The following GNG2 variants were observed in gnomAD, a reference collection of about 807,000 sequenced individuals.
GNG2 encodes the protein G protein subunit gamma 2.
GNG2 carries 5 observed loss-of-function variants against 5.5 expected under a neutral mutation model. That is an observed-to-expected ratio of 0.91 (90% CI 0.48 to 1.92). GNG2 has a LOEUF of 1.92. Among genes scored for constraint, GNG2 ranks in the 30% most tolerant of loss-of-function variants. The pLI is 0.01. For synonymous variants in GNG2, 28 were observed against 32.0 expected, an observed-to-expected ratio of 0.88 and a Z score of 0.42; for missense variants, 55 against 88.4, an observed-to-expected ratio of 0.62 and a Z score of 1.52.
Position 51,828,932 on chromosome 14 carries a change from A to G in GNG2, c.64+1125A>G, listed in dbSNP as rs564066936. 8.5e-5 allele frequency among the ~76,000 whole-genome samples: 13 copies of G among 152,164 alleles called. No homozygotes were observed. In the South Asian group the frequency reaches 2.7e-3, roughly 32 times the overall value. On this transcript the variant is annotated intron_variant, in intron 2 of 3. Coordinates refer to the GNG2 transcript ENST00000553432. ...GACGTGACAGGCCCTCTGTCTCAAG[A>G]TATTAGCTCTCTTCCACCATCACAC...
intron 3 of GNG2, among the ~76,000 whole-genome samples, chr14:51,960,283 T>G (rs1052528061): frequency 1.3e-5 from 2 of 152,200 alleles, no homozygotes; most frequent in Admixed American, 6.5e-5. Context: ...CTAATTTTAT[T>G]CATTGTATTT....
chr14:51,949,957 T>C (rs922775123), intron 2 of GNG2, among the ~76,000 whole-genome samples: 5 of 152,110 alleles, frequency 3.3e-5, no homozygotes, highest in Admixed American at 6.5e-5. Context: ...AGAACTCTAC[T>C]CTCAAACCCT....
At chr14:51,936,495 C>T (rs1888012456) in intron 2 of GNG2, among the ~76,000 whole-genome samples, 1 of 151,036 alleles carries the variant, frequency 6.6e-6, no homozygotes, top group African/African-American at 2.4e-5. Flanking sequence ...AGTTGTCAAC[C>T]TCTTCCATTG....
intron 2 of GNG2, among the ~76,000 whole-genome samples, chr14:51,914,777 G>T (rs1490202531): frequency 6.6e-6 from 1 of 152,004 alleles, no homozygotes; most frequent in African/African-American, 2.4e-5. Flanking sequence ...ATGTTTTTTT[G>T]TGTTTTCAAA....
At chr14:51,907,620 C>A (rs1886015104) in intron 2 of GNG2, among the ~76,000 whole-genome samples, 1 of 152,326 alleles carries the variant, frequency 6.6e-6, no homozygotes, top group South Asian at 2.1e-4. Context: ...TAATTTGAAC[C>A]ACTGCCTGTC....
At chr14:51,896,346 C>T (rs985245060) in intron 2 of GNG2, among the ~76,000 whole-genome samples, 6 of 152,106 alleles carry the variant, frequency 3.9e-5, no homozygotes, top group African/African-American at 1.4e-4. Flanking sequence ...GTGGTATTGT[C>T]CTCTTGTTTC....
intron 3 of GNG2, among the ~76,000 whole-genome samples, chr14:51,954,976 T>G (rs1053708710): frequency 6.6e-6 from 1 of 152,186 alleles, no homozygotes; most frequent in African/African-American, 2.4e-5. Flanking sequence ...GGAATTAACC[T>G]GCCCATGTAG....
intron 2 of GNG2, among the ~76,000 whole-genome samples, chr14:51,831,771 T>C (rs890019804): frequency 5.9e-5 from 9 of 152,194 alleles, no homozygotes; most frequent in African/African-American, 2.2e-4. Context: ...AGTGTTATTT[T>C]GAAAAATAAA....
At chr14:51,950,537 G>A in intron 2 of GNG2, 113 bp from the exon 3 acceptor site, 1 of 641,626 alleles carries the variant, frequency 1.6e-6, no homozygotes, top group Non-Finnish European at 2.7e-6. Context: ...GAGGGCTGGA[G>A]AAGCCAGGCC....
Position 51,916,998 on chromosome 14 carries a change from T to C in GNG2, c.-29-33652T>C, listed in dbSNP as rs1016112728. Reference sequence around the variant, plus strand: ...TCACCCATTGATGGAGATCTGATTTTATCTACACTGCCAGGCATGTTCAGG... The same window carrying C: ...TCACCCATTGATGGAGATCTGATTTCATCTACACTGCCAGGCATGTTCAGG... On this transcript the variant is annotated intron_variant, in intron 2 of 3. Coordinates refer to ENST00000556766, the MANE Select transcript of GNG2 (RefSeq NM_053064.5). Among the ~76,000 whole-genome samples the C allele has an allele frequency of 2.6e-5, 4 of 151,936 alleles. No homozygotes were observed. The East Asian group carries it at 5.8e-4, about 22-fold the overall frequency.
intron 2 of GNG2, among the ~76,000 whole-genome samples, chr14:51,832,113 G>A (rs1437341030): frequency 6.7e-6 from 1 of 149,052 alleles, no homozygotes; most frequent in Non-Finnish European, 1.5e-5. Context: ...GACCCTGTCT[G>A]TACAAAAAAT....
chr14:51,857,721 G>A (rs887571969), upstream of GNG2, among the ~76,000 whole-genome samples: 1 of 152,190 alleles, frequency 6.6e-6, no homozygotes, highest in South Asian at 2.1e-4. Flanking sequence ...AGGAAAGGAA[G>A]AGGAACTTTA....
At chr14:51,859,425 C>T (rs1415293822), upstream of GNG2, among the ~76,000 whole-genome samples, 1 of 152,164 alleles carries the variant, frequency 6.6e-6, no homozygotes, top group Admixed American at 6.5e-5. Context: ...AAACCAAGTA[C>T]TGGTGAGGGT....
At chr14:51,830,901 G>C (rs1171554760) in intron 2 of GNG2, among the ~76,000 whole-genome samples, 1 of 152,196 alleles carries the variant, frequency 6.6e-6, no homozygotes, top group Non-Finnish European at 1.5e-5. Flanking sequence ...CAGTTCAAAA[G>C]CTAAATAGTT....
chr14:51,957,933 C>G (rs1022724334), intron 3 of GNG2, among the ~76,000 whole-genome samples: 13 of 152,130 alleles, frequency 8.5e-5, no homozygotes, highest in African/African-American at 2.7e-4. Flanking sequence ...TCATTGTATT[C>G]TATTGGTGGG....
intron 1 of GNG2, among the ~76,000 whole-genome samples, chr14:51,866,234 G>T (rs1882876920): frequency 6.6e-6 from 1 of 152,214 alleles, no homozygotes; most frequent in Non-Finnish European, 1.5e-5. Context: ...AGGTAGAGGA[G>T]AGGGGCTGAA....
chr14:51,886,307 C>T (rs1884456257), intron 2 of GNG2, among the ~76,000 whole-genome samples: 1 of 152,200 alleles, frequency 6.6e-6, no homozygotes, highest in Non-Finnish European at 1.5e-5. Flanking sequence ...ACACAATTGC[C>T]AGTGAGCACT....
chr14:51,929,587 T>C (rs1445698130), intron 2 of GNG2, among the ~76,000 whole-genome samples: 3 of 152,182 alleles, frequency 2.0e-5, no homozygotes, highest in Non-Finnish European at 2.9e-5. Context: ...CCAAAAGTGA[T>C]TGGAGGTGGG....
intron 1 of GNG2, among the ~76,000 whole-genome samples, chr14:51,826,503 G>C (rs1190042330): frequency 6.6e-6 from 1 of 152,208 alleles, no homozygotes; most frequent in Admixed American, 6.5e-5. Context: ...GGAGGCAGGG[G>C]TGGTCTCCAG....
Sources: allele counts gnomAD v4.1 joint callset (sites outside exome capture counted in the v4.1 genomes callset), GRCh38; gene constraint gnomAD v4.1.1; transcripts MANE v1.5; gene names NCBI Gene and HGNC (gene_info 2026-07-23, HGNC 2026-07-21).